KIF21B: variants seen among roughly 807,000 people sequenced by gnomAD.
KIF21B encodes kinesin family member 21B, also known as kinesin-like protein KIF21B.
Under a neutral mutation model 192.9 loss-of-function variants are expected in KIF21B, and 85 were observed. The observed-to-expected ratio is 0.44, with a 90% CI of 0.37 to 0.53. The LOEUF (loss-of-function observed/expected upper bound fraction) is 0.53. KIF21B is among the 20% of genes least tolerant of loss of function. KIF21B has a pLI of 0.00. For missense variants in KIF21B, 1,716 were observed against 2,194.8 expected, an observed-to-expected ratio of 0.78 and a Z score of 4.36; for synonymous variants, 832 against 884.6, an observed-to-expected ratio of 0.94 and a Z score of 1.05.
chr1:201,005,935 C>A (rs1657793693), intron 3 of KIF21B, among the ~76,000 whole-genome samples: 1 of 152,222 alleles, frequency 6.6e-6, no homozygotes, highest in Non-Finnish European at 1.5e-5. Context: ...GCCAGCAGCT[C>A]GGTCCCAGCA....
chr1:200,991,155 G>T lies in KIF21B; in HGVS notation c.2455-6C>A. On this transcript the variant is annotated splice_polypyrimidine_tract_variant and splice_region_variant and intron_variant, in intron 17 of 34. Coordinates refer to ENST00000461742, the MANE Select transcript of KIF21B (RefSeq NM_001252102.2). ...AGGCGCCTCAGTGCAGAAACCTGGG[G>T]CAGCAGGGAGAAAAGAGGGAGCCGG... 1 of 1,610,214 alleles carries T rather than the reference G, an allele frequency of 6.2e-7. No homozygotes were observed. Among genetic ancestry groups the T allele is most frequent in the Non-Finnish European group, 8.5e-7 (1 of 1,177,788 alleles).
intron 1 of KIF21B, among the ~76,000 whole-genome samples, chr1:201,020,807 CT>C: frequency 1.2e-5 from 1 of 82,578 alleles, no homozygotes; most frequent in African/African-American, 1.0e-4. Flanking sequence ...CCTCTCTCCT[CT>C]ACACACACAC....
At position 201,000,348 on chromosome 1, in the gene KIF21B, C is replaced by A. The variant is rs371828904; in HGVS notation, c.1685+42G>T. 1 of 1,510,656 alleles carries A rather than the reference C, an allele frequency of 6.6e-7. No homozygotes were observed. Among genetic ancestry groups the A allele is most frequent in the South Asian group, 1.3e-5 (1 of 77,632 alleles). The allele number at this position is 1,510,656 out of a possible 1,614,324, so 93.6% of individuals were successfully genotyped here. The stretch of plus-strand genomic sequence containing the variant: ...TGGGGACGGGCAGGGTCCACTGGGG[C>A]GGTCTGAGGGCTCTCAGGGGCGGGG... On this transcript the variant is annotated intron_variant, in intron 11 of 34. Coordinates refer to ENST00000461742, the MANE Select transcript of KIF21B (RefSeq NM_001252102.2). The surrounding 1 kb of genome is among the most constrained non-coding windows in gnomAD (Gnocchi z 6.0).
At chr1:200,974,289 C>T (rs1188286668) in intron 34 of KIF21B, 1 of 1,406,274 alleles carries the variant, frequency 7.1e-7, no homozygotes, top group Non-Finnish European at 9.6e-7. Context: ...AGAAAGAAAG[C>T]CATCTGAGTC....
intron 3 of KIF21B, among the ~76,000 whole-genome samples, 167 bp from the exon 4 acceptor site, chr1:201,005,861 G>C (rs922773735): frequency 7.9e-5 from 12 of 152,238 alleles, no homozygotes; most frequent in Non-Finnish European, 1.5e-5. Context: ...GCAGGAGACA[G>C]CTGGGCCCTG....
Position 200,975,390 on chromosome 1 carries a change from C to T in KIF21B, c.4614+109G>A, listed in dbSNP as rs1476526503. On this transcript the variant is annotated intron_variant, in intron 33 of 34. Coordinates refer to ENST00000461742, the MANE Select transcript of KIF21B (RefSeq NM_001252102.2). This position sits in a 1 kb window ranked among gnomAD's most constrained non-coding sequence, Gnocchi z 4.3. ...GGAGGGCTTGGGGAGCTGTGAAAAC[C>T]ATCTGGCCTGGGGCCCGCGAGTCCA... 4 of 968,846 alleles carry T rather than the reference C, an allele frequency of 4.1e-6. No homozygotes were observed. Among genetic ancestry groups the T allele is most frequent in the Non-Finnish European group, 6.2e-6 (4 of 640,146 alleles). 60.0% of individuals were successfully genotyped at this position (968,846 alleles called of 1,614,324 possible).
At chr1:201,014,474 A>G (rs1300653544) in intron 1 of KIF21B, among the ~76,000 whole-genome samples, 1 of 152,178 alleles carries the variant, frequency 6.6e-6, no homozygotes, top group Non-Finnish European at 1.5e-5. Flanking sequence ...ATGCTGAGAG[A>G]CTGCCAAGGA....
chr1:200,988,803 G>A lies in KIF21B; in HGVS notation c.3261C>T (p.His1087=), dbSNP rs776231896. ...LDALREKAEA[H]PELQALIYNV... Reference sequence around the variant, plus strand: ...TGTAGATGAGGGCCTGCAGCTCGGGGTGAGCTTCAGCCTTCTCACGCAGGG... The same window carrying A: ...TGTAGATGAGGGCCTGCAGCTCGGGATGAGCTTCAGCCTTCTCACGCAGGG... Residue 1087 remains histidine (H), a synonymous_variant, in exon 22 of 35, where the codon CAC becomes CAT. Coordinates refer to ENST00000461742, the MANE Select transcript of KIF21B (RefSeq NM_001252102.2). 1.2e-6 allele frequency: 2 copies of A among 1,613,932 alleles called. No homozygotes were observed. Among genetic ancestry groups the A allele is most frequent in the East Asian group, 4.5e-5 (2 of 44,886 alleles).
In KIF21B at chr1:201,008,854, A is replaced by T; in HGVS notation, c.362T>A (p.Phe121Tyr). The T allele has an allele frequency of 6.2e-7, 1 of 1,610,682 alleles. No individual in the cohort carries two copies. Among genetic ancestry groups the T allele is most frequent in the Non-Finnish European group, 8.5e-7 (1 of 1,179,986 alleles). Residue 121 changes from phenylalanine (F) to tyrosine (Y), a missense_variant, in exon 3 of 35, where the codon TTT becomes TAT. This residue lies in a region of KIF21B where 1,087 missense variants were observed against 1,316.6 expected (regional missense o/e 0.83). Coordinates refer to ENST00000461742, the MANE Select transcript of KIF21B (RefSeq NM_001252102.2). Reference protein sequence around the residue: ...GIIPRAIAHLFGGIAERKRRA... With the variant: ...GIIPRAIAHLYGGIAERKRRA... ...GCGCTTGCGCTCGGCAATGCCCCCAAAGAGGTGTGCGATGGCCCTCGGGAT... is the reference window on the plus strand; with the variant it reads ...GCGCTTGCGCTCGGCAATGCCCCCATAGAGGTGTGCGATGGCCCTCGGGAT...
intron 29 of KIF21B, 121 bp from the exon 30 acceptor site, chr1:200,979,836 G>A (rs921982789): frequency 1.2e-5 from 9 of 732,790 alleles, no homozygotes; most frequent in African/African-American, 9.1e-5. Flanking sequence ...TCCAGAGGAC[G>A]GAGCTCCAGG....
chr1:201,007,125 C>A (rs1657892106), intron 3 of KIF21B, among the ~76,000 whole-genome samples: 1 of 147,666 alleles, frequency 6.8e-6, no homozygotes, highest in Admixed American at 6.7e-5. Context: ...CGCAGACACC[C>A]ACACACAGAC....
chr1:201,023,046 G>A lies in KIF21B; in HGVS notation c.41+297C>T, dbSNP rs1308889729. Among the ~76,000 whole-genome samples the A allele has an allele frequency of 6.6e-6, 1 of 152,274 alleles. No homozygotes were observed. The highest frequency in any genetic ancestry group is 2.1e-4 in the South Asian group (1 of 4,836). On this transcript the variant is annotated intron_variant, in intron 1 of 34. Coordinates refer to ENST00000461742, the MANE Select transcript of KIF21B (RefSeq NM_001252102.2). This position sits in a 1 kb window ranked among gnomAD's most constrained non-coding sequence, Gnocchi z 5.9. ...CGCACAGACGCTCCGGCCTGGGCCA[G>A]AGCTGGGTGTGAAATACCGGATTTC... is the stretch of plus-strand genomic sequence containing the variant.
Position 201,000,009 on chromosome 1 carries a change from G to T in KIF21B, c.1686-45C>A, listed in dbSNP as rs1433149042. 13 of 1,563,160 alleles carry T rather than the reference G, an allele frequency of 8.3e-6. No homozygotes were observed. The highest frequency in any genetic ancestry group is 6.7e-5 in the Admixed American group (4 of 59,938). ...AAGCTGGATTAGGAAGGCTGCCCCT[G>T]CCCTGAGCACATGGGCAGGACGGCG... On this transcript the variant is annotated intron_variant, in intron 11 of 34. Transcript: ENST00000461742. The surrounding 1 kb of genome is among the most constrained non-coding windows in gnomAD (Gnocchi z 6.0).
At chr1:200,989,017 C>A in intron 21 of KIF21B, 86 bp from the exon 22 acceptor site, 1 of 1,352,874 alleles carries the variant, frequency 7.4e-7, no homozygotes, top group Non-Finnish European at 9.9e-7. Flanking sequence ...CTCAAGACAC[C>A]TTGGAGTGCT....
chr1:201,014,204 C>T (rs998360362), intron 1 of KIF21B, among the ~76,000 whole-genome samples: 1 of 152,254 alleles, frequency 6.6e-6, no homozygotes, highest in Non-Finnish European at 1.5e-5. Context: ...TGTGGGAAGC[C>T]GTCCTCCACC....
rs192077352 is a variant in KIF21B, at chr1:200,986,333, G to A, written c.3689+511C>T. Among the ~76,000 whole-genome samples, 96 of 150,808 alleles carry A rather than the reference G, an allele frequency of 6.4e-4. No individual in the cohort carries two copies. In the East Asian group the frequency reaches 0.015, roughly 23 times the overall value. ...GGCTCGGCTATGCAGTTTAAGGTGCGTTACAGAAATTACATTTCCTTTTTT... is the reference window on the plus strand; with the variant it reads ...GGCTCGGCTATGCAGTTTAAGGTGCATTACAGAAATTACATTTCCTTTTTT... On this transcript the variant is annotated intron_variant, in intron 26 of 34. Transcript: ENST00000461742.
intron 27 of KIF21B, among the ~76,000 whole-genome samples, chr1:200,984,421 G>A (rs1656148437): frequency 1.3e-5 from 2 of 152,230 alleles, no homozygotes; most frequent in Non-Finnish European, 2.9e-5. Context: ...ACCTGAACCT[G>A]CCTGAGGAAG....
intron 1 of KIF21B, 96 bp from the exon 2 acceptor site, chr1:201,009,584 C>G (rs1658118283): frequency 8.2e-7 from 1 of 1,222,254 alleles, no homozygotes; most frequent in Non-Finnish European, 1.1e-6. Flanking sequence ...CCACTTCCCC[C>G]ATGAGCCAGA....
chr1:200,983,221 G>T, intron 27 of KIF21B, 127 bp from the exon 28 acceptor site: 1 of 800,278 alleles, frequency 1.2e-6, no homozygotes, highest in Non-Finnish European at 2.1e-6. Context: ...AGCAGAGACA[G>T]GCAGAGGAAT....
Sources: allele counts gnomAD v4.1 joint callset (sites outside exome capture counted in the v4.1 genomes callset), GRCh38; gene constraint gnomAD v4.1.1; regional missense constraint gnomAD v4.1.1; non-coding constraint Gnocchi (gnomAD v3.1); transcripts MANE v1.5; gene names NCBI Gene and HGNC (gene_info 2026-07-23, HGNC 2026-07-21).